DOCK9: variants seen among roughly 807,000 people sequenced by gnomAD.
DOCK9 encodes dedicator of cytokinesis 9, also known as dedicator of cytokinesis protein 9.
In DOCK9, 89 loss-of-function variants were observed where a neutral mutation model predicts 263.3. That is an observed-to-expected ratio of 0.34 (90% confidence interval 0.28 to 0.40). DOCK9 has a LOEUF of 0.40. DOCK9 is among the 10% of genes least tolerant of loss of function. The pLI is 1.00. For synonymous variants in DOCK9, 976 were observed against 973.1 expected (o/e 1.00, Z -0.06); for missense variants, 2,140 against 2,603.4 (o/e 0.82, Z 3.87).
At chr13:98,845,062 G>T (rs557138476) in intron 38 of DOCK9, among the ~76,000 whole-genome samples, 1 of 152,124 alleles carries the variant, frequency 6.6e-6, no homozygotes, top group Admixed American at 6.5e-5. Flanking sequence ...AATTTTTCAC[G>T]TGCTGTATGG....
intron 47 of DOCK9, among the ~76,000 whole-genome samples, chr13:98,808,202 C>G (rs2090933908): frequency 6.6e-6 from 1 of 152,188 alleles, no homozygotes; most frequent in Non-Finnish European, 1.5e-5. Flanking sequence ...TGATGGCTCC[C>G]ATGCACACAG....
intron 1 of DOCK9, among the ~76,000 whole-genome samples, chr13:98,974,377 C>G (rs759677769): frequency 1.3e-5 from 2 of 152,094 alleles, no homozygotes; most frequent in Non-Finnish European, 2.9e-5. Flanking sequence ...GGGGACAAGA[C>G]CCACCCATGT....
chr13:99,071,787 G>A lies in DOCK9; in HGVS notation c.129+14436C>T, dbSNP rs183474322. 2.4e-4 allele frequency among the ~76,000 whole-genome samples: 36 copies of A among 152,204 alleles called. No individual in the cohort carries two copies. In the South Asian group the frequency reaches 2.9e-3, roughly 12 times the overall value. ...ACCATTCGCTTTAGTTTCAGTGCCC[G>A]TATCTTAAAGGGATCCATGCCATAA... is the stretch of plus-strand genomic sequence containing the variant. On this transcript the variant is annotated intron_variant, in intron 1 of 32. Transcript: ENST00000427887.
intron 1 of DOCK9, among the ~76,000 whole-genome samples, chr13:98,968,201 T>C (rs539672152): frequency 4.6e-5 from 7 of 152,366 alleles, no homozygotes; most frequent in South Asian, 2.1e-4. Context: ...GAATGAAATA[T>C]AAAATACCTT....
At chr13:98,857,678 T>G (rs1317197612) in intron 33 of DOCK9, 1 of 152,244 alleles carries the variant, frequency 6.6e-6, no homozygotes, top group Non-Finnish European at 1.5e-5. Flanking sequence ...ATTTATTCAC[T>G]GCTATCCCTG....
At chr13:98,972,868 C>T (rs2059879736) in intron 1 of DOCK9, among the ~76,000 whole-genome samples, 1 of 152,164 alleles carries the variant, frequency 6.6e-6, no homozygotes, top group Non-Finnish European at 1.5e-5. Flanking sequence ...TGCCTTGCTG[C>T]CTGGGGAGAG....
chr13:99,058,506 A>C (rs2041032489), intron 1 of DOCK9, among the ~76,000 whole-genome samples: 2 of 152,144 alleles, frequency 1.3e-5, no homozygotes, highest in Admixed American at 1.3e-4. Context: ...GGGGCCACAG[A>C]GCACAGTGAA....
At chr13:98,939,698 T>G (rs1307543485) in intron 2 of DOCK9, among the ~76,000 whole-genome samples, 1 of 152,214 alleles carries the variant, frequency 6.6e-6, no homozygotes, top group Admixed American at 6.5e-5. Flanking sequence ...GAGCATTCCC[T>G]GGGCCTGGCC....
At chr13:98,921,219 C>T in intron 6 of DOCK9, 131 bp from the exon 7 acceptor site, 1 of 922,822 alleles carries the variant, frequency 1.1e-6, no homozygotes. Flanking sequence ...TGCTCCAGGT[C>T]ACTGTGGGGT....
intron 2 of DOCK9, among the ~76,000 whole-genome samples, chr13:98,952,783 T>A (rs1350183071): frequency 2.6e-5 from 4 of 152,250 alleles, no homozygotes; most frequent in Non-Finnish European, 5.9e-5. Flanking sequence ...TTTAGTAAAT[T>A]GTCATTTCAA....
At chr13:98,835,835 G>A (rs2092976069) in intron 39 of DOCK9, among the ~76,000 whole-genome samples, 1 of 147,432 alleles carries the variant, frequency 6.8e-6, no homozygotes, top group Admixed American at 6.9e-5. Flanking sequence ...CGCCTCCTGG[G>A]TTCAAGCGAT....
chr13:98,987,646 A>G (rs1447060015), intron 1 of DOCK9, among the ~76,000 whole-genome samples: 2 of 152,220 alleles, frequency 1.3e-5, no homozygotes, highest in African/African-American at 4.8e-5. Flanking sequence ...GAGCAAGAAA[A>G]ACATTTAAGG....
At chr13:99,007,837 C>T (rs1883619794) in intron 1 of DOCK9, among the ~76,000 whole-genome samples, 1 of 152,106 alleles carries the variant, frequency 6.6e-6, no homozygotes, top group South Asian at 2.1e-4. Flanking sequence ...ACAAACTGCT[C>T]GAAGTCAGAA....
At chr13:98,883,268 G>T in intron 22 of DOCK9, 137 bp from the exon 23 acceptor site, 1 of 829,454 alleles carries the variant, frequency 1.2e-6, no homozygotes, top group Non-Finnish European at 1.9e-6. Context: ...TTTTTTTTGA[G>T]ACAGAGTCTT....
In DOCK9 at chr13:98,984,032, G is replaced by C. The variant is rs1371943665; in HGVS notation, c.130-28481C>G. On this transcript the variant is annotated intron_variant, in intron 1 of 32. Coordinates refer to the DOCK9 transcript ENST00000427887. ...GAATCCAAGGCTGAATGTTAGGGAA[G>C]GTGGTCCACAAACCCTCTAAAATTA... Among the ~76,000 whole-genome samples the C allele has an allele frequency of 7.9e-5, 12 of 152,184 alleles. No individual in the cohort carries two copies. In the East Asian group the frequency reaches 2.3e-3, roughly 29 times the overall value.
chr13:98,922,064 C>T lies in DOCK9; in HGVS notation c.569G>A (p.Ser190Asn). 1 of 1,597,468 alleles carries T rather than the reference C, an allele frequency of 6.3e-7. No homozygotes were observed. The highest frequency in any genetic ancestry group is 1.9e-4 in the Middle Eastern group (1 of 5,274). Reference protein sequence around the residue: ...LYKGNMNSAISVTMRSFKRRF... With the variant: ...LYKGNMNSAINVTMRSFKRRF... ...GTGCGTCCTCACCCTCATGGTCACG[C>T]TGATGGCACTGTTCATGTTGCCTTT... The change falls in exon 6 of 53, where the codon AGC (serine) becomes AAC (asparagine). Residue 190 changes from serine to asparagine, a missense_variant. Physicochemically the swap from Ser to Asn is conservative, Grantham distance 46. This residue lies in a region of DOCK9 where 1,521 missense variants were observed against 1,741.7 expected (regional missense o/e 0.87). Coordinates refer to ENST00000682017, the MANE Select transcript of DOCK9 (RefSeq NM_001366683.2).
chr13:99,086,518 C>T, exon 1 of DOCK9: 1 of 281,676 alleles, frequency 3.6e-6, no homozygotes, highest in Non-Finnish European at 5.3e-6. Context: ...GCAGCCCAGG[C>T]CGCGCCCTCT....
At position 98,794,752 on chromosome 13, in the gene DOCK9, G is replaced by C. The variant is rs753442874; in HGVS notation, c.6157-4C>G. 5 of 1,613,784 alleles carry C rather than the reference G, an allele frequency of 3.1e-6. No individual in the cohort carries two copies. The highest frequency in any genetic ancestry group is 4.2e-6 in the Non-Finnish European group (5 of 1,179,784). Reference sequence around the variant, plus strand: ...TCTTCTCCTCCAGGGGGCAGATCTTGAGGACAGAAACACAACGTTACTGAG... The same window carrying C: ...TCTTCTCCTCCAGGGGGCAGATCTTCAGGACAGAAACACAACGTTACTGAG... On this transcript the variant is annotated splice_polypyrimidine_tract_variant and splice_region_variant and intron_variant, in intron 52 of 52. Transcript: ENST00000682017.
upstream of DOCK9, among the ~76,000 whole-genome samples, chr13:98,979,867 C>G (rs983698256): frequency 2.6e-5 from 4 of 152,182 alleles, no homozygotes; most frequent in African/African-American, 9.7e-5. Context: ...AAGCACAAAA[C>G]AGACTAACTG....
Sources: gnomAD v4.1 joint callset for allele counts (sites outside exome capture counted in the v4.1 genomes callset) on GRCh38, gnomAD v4.1.1 for gene constraint, gnomAD v4.1.1 regional missense constraint, MANE v1.5 for transcripts, NCBI Gene and HGNC (gene_info 2026-07-23, HGNC 2026-07-21) for gene names.